Variants in DOCK10 observed in about 807,000 individuals in gnomAD.
The protein encoded by DOCK10 is dedicator of cytokinesis protein 10.
DOCK10 carries 145 observed loss-of-function variants against 280.1 expected under a neutral mutation model. The observed-to-expected ratio is 0.52, with a 90% CI of 0.45 to 0.59. The LOEUF (loss-of-function observed/expected upper bound fraction) is 0.59. Among genes scored for constraint, DOCK10 ranks in the 20% least tolerant of loss-of-function variants. The pLI is 0.00. For missense variants in DOCK10, 2,368 were observed against 2,651.7 expected, an observed-to-expected ratio of 0.89 and a Z score of 2.35; for synonymous variants, 915 against 942.2, an observed-to-expected ratio of 0.97 and a Z score of 0.53.
At position 224,805,432 on chromosome 2, in the gene DOCK10, A is replaced by C. The variant is rs1298283637; in HGVS notation, c.3912T>G (p.Ser1304Arg). The change falls in exon 35 of 56, where the codon AGT becomes AGG. Residue 1304 changes from serine (S) to arginine (R), a missense_variant. By Grantham distance (110) the Ser-to-Arg change is moderately radical. Transcript: ENST00000258390. This position sits in a 1 kb window ranked among gnomAD's most constrained non-coding sequence, Gnocchi z 4.3. ...DSNPSTNEKS[S>R]EKTDNCEKIP... ...CCTTTTCACAGTTGTCCGTCTTCTC[A>C]CTGCTCTTCTCATTGGTACTTGGAT... The C allele has an allele frequency of 1.2e-6, 2 of 1,612,728 alleles. No individual in the cohort carries two copies. Among genetic ancestry groups the C allele is most frequent in the Middle Eastern group, 1.6e-4 (1 of 6,076 alleles).
intron 2 of DOCK10, among the ~76,000 whole-genome samples, chr2:224,918,726 G>A (rs1701485261): frequency 1.3e-5 from 2 of 151,366 alleles, no homozygotes; most frequent in African/African-American, 2.4e-5. Context: ...TATGTGCAAT[G>A]AGTATGTGTG....
chr2:224,941,489 A>G (rs2126075213), intron 1 of DOCK10, among the ~76,000 whole-genome samples: 1 of 152,260 alleles, frequency 6.6e-6, no homozygotes, highest in South Asian at 2.1e-4. Context: ...TGGGGCTGGT[A>G]TAATAAGGTC....
intron 1 of DOCK10, among the ~76,000 whole-genome samples, chr2:224,977,295 T>C (rs1443247350): frequency 6.6e-6 from 1 of 152,178 alleles, no homozygotes; most frequent in Non-Finnish European, 1.5e-5. Flanking sequence ...CCTGTGAATC[T>C]GGTGTGTGGG....
chr2:224,817,212 T>C (rs962934939), intron 29 of DOCK10, among the ~76,000 whole-genome samples: 4 of 152,318 alleles, frequency 2.6e-5, no homozygotes, highest in African/African-American at 9.6e-5. Flanking sequence ...AATTAATTCG[T>C]CTTTCCTCCC....
intron 11 of DOCK10, among the ~76,000 whole-genome samples, chr2:224,865,959 C>T (rs1294334522): frequency 6.6e-6 from 1 of 151,946 alleles, no homozygotes; most frequent in Non-Finnish European, 1.5e-5. Context: ...GCTTTGAGAG[C>T]AAGTTTCCCA....
At position 224,765,575 on chromosome 2, in the gene DOCK10, G is replaced by A; in HGVS notation, c.*146C>T. ...TTATACAAAATGTGCAAATTCAGAG[G>A]TTGGCAAAATTCTGAAGCTAGCGAG... On this transcript the variant is annotated 3_prime_UTR_variant, in exon 56 of 56. Transcript: ENST00000258390. The A allele has an allele frequency of 1.7e-6, 1 of 572,050 alleles. No individual in the cohort carries two copies. The allele number at this position is 572,050 out of a possible 1,614,324, so 35.4% of individuals were successfully genotyped here.
chr2:224,797,262 TC>T, intron 42 of DOCK10, 116 bp from the exon 43 acceptor site: 1 of 770,744 alleles, frequency 1.3e-6, no homozygotes, highest in Non-Finnish European at 1.8e-6. Flanking sequence ...TTTAACTTGG[TC>T]TATTTTTTTT....
intron 3 of DOCK10, among the ~76,000 whole-genome samples, chr2:224,907,085 T>TC (rs1235638031): frequency 2.0e-5 from 3 of 152,206 alleles, no homozygotes; most frequent in Admixed American, 1.3e-4. Flanking sequence ...GAATTGCAAT[T>TC]AGCAGAGTCT....
chr2:224,960,778 C>T (rs751254565), intron 1 of DOCK10, among the ~76,000 whole-genome samples: 64 of 112,120 alleles, frequency 5.7e-4, no homozygotes, highest in Non-Finnish European at 5.8e-4. Context: ...TTCGCTCTGT[C>T]GCCCAGGCTG....
Position 224,804,958 on chromosome 2 carries a change from T to C in DOCK10, c.4118+100A>G, listed in dbSNP as rs1479485196. 8 of 1,255,280 alleles carry C rather than the reference T, an allele frequency of 6.4e-6. No homozygotes were observed. The African/African-American group carries it at 7.7e-5, about 12-fold the overall frequency. 77.8% of individuals were successfully genotyped at this position (1,255,280 alleles called of 1,614,324 possible). On this transcript the variant is annotated intron_variant, in intron 37 of 55. Transcript: ENST00000258390. Reference sequence around the variant, plus strand: ...TTTTCTTTAAATAGTTCATATATTATTGATAACTTACTATATGGGTTCTTG... The same window carrying C: ...TTTTCTTTAAATAGTTCATATATTACTGATAACTTACTATATGGGTTCTTG...
At chr2:224,907,331 G>C (rs1700709164) in intron 3 of DOCK10, among the ~76,000 whole-genome samples, 1 of 152,188 alleles carries the variant, frequency 6.6e-6, no homozygotes, top group Admixed American at 6.5e-5. Context: ...GTGCCGAATT[G>C]TGTCTTAGAA....
chr2:224,939,767 A>ACGCACATACATGT (rs2126065240), intron 1 of DOCK10, among the ~76,000 whole-genome samples: 1 of 152,372 alleles, frequency 6.6e-6, no homozygotes, highest in African/African-American at 2.4e-5. Context: ...AGTGTTGTAC[A>ACGCACATACATGT]CGCACATACA....
intron 50 of DOCK10, among the ~76,000 whole-genome samples, chr2:224,783,019 A>G (rs1230586618): frequency 1.3e-5 from 2 of 152,152 alleles, no homozygotes; most frequent in African/African-American, 4.8e-5. Flanking sequence ...TTATCATGGA[A>G]TGTGAAGTGA....
At chr2:224,885,023 A>C (rs1255681479) in intron 7 of DOCK10, among the ~76,000 whole-genome samples, 1 of 152,120 alleles carries the variant, frequency 6.6e-6, no homozygotes, top group East Asian at 1.9e-4. Context: ...TTTTTGAGAC[A>C]GAGTCTCTCT....
At chr2:224,843,745 G>A (rs1307275462) in intron 22 of DOCK10, among the ~76,000 whole-genome samples, 1 of 152,206 alleles carries the variant, frequency 6.6e-6, no homozygotes, top group East Asian at 1.9e-4. Context: ...TCTGTTGCCA[G>A]AAAACTCACA....
chr2:225,034,290 T>TCA (rs1379276937), intron 1 of DOCK10, among the ~76,000 whole-genome samples: 1 of 151,960 alleles, frequency 6.6e-6, no homozygotes, highest in Non-Finnish European at 1.5e-5. Flanking sequence ...TATTGAGGAG[T>TCA]CATTTGATCT....
At chr2:224,874,182 T>G (rs201895550) in intron 10 of DOCK10, 31 bp from the exon 11 acceptor site, 4 of 1,575,180 alleles carry the variant, frequency 2.5e-6, no homozygotes, top group Non-Finnish European at 3.4e-6. Flanking sequence ...TCACCAAACA[T>G]CCAACATAAA....
At chr2:224,933,374 A>G (rs1212170468) in intron 1 of DOCK10, among the ~76,000 whole-genome samples, 2 of 151,918 alleles carry the variant, frequency 1.3e-5, no homozygotes, top group Non-Finnish European at 2.9e-5. Flanking sequence ...ACCCACATTT[A>G]TTTTCTTTTT....
At chr2:225,035,583 TATATAA>T (rs1268685239) in intron 1 of DOCK10, among the ~76,000 whole-genome samples, 37 of 111,620 alleles carry the variant, frequency 3.3e-4, no homozygotes, top group African/African-American at 1.6e-3. Context: ...TATATATATA[TATATAA>T]CACTGAATCA....
Sources: gnomAD v4.1 joint callset for allele counts (sites outside exome capture counted in the v4.1 genomes callset) on GRCh38, gnomAD v4.1.1 for gene constraint, Gnocchi (gnomAD v3.1) non-coding constraint, MANE v1.5 for transcripts, NCBI Gene and HGNC (gene_info 2026-07-23, HGNC 2026-07-21) for gene names.